The following NEFL variants were observed in gnomAD, a reference collection of about 807,000 sequenced individuals.
The protein encoded by NEFL is neurofilament light polypeptide.
Under a neutral mutation model 51.6 loss-of-function variants are expected in NEFL, and 36 were observed. The observed-to-expected ratio is 0.70, with a 90% CI of 0.53 to 0.92. The LOEUF is 0.92. NEFL is among the 40% of genes least tolerant of loss of function. NEFL has a pLI of 0.00. For missense variants in NEFL, 671 were observed against 722.0 expected (o/e 0.93, Z 0.81); for synonymous variants, 332 against 302.5 (o/e 1.10, Z -1.01).
chr8:24,954,539 T>C (rs1249332767), intron 1 of NEFL, among the ~76,000 whole-genome samples: 1 of 152,180 alleles, frequency 6.6e-6, no homozygotes, highest in Non-Finnish European at 1.5e-5. Flanking sequence ...TGTTCTTCTG[T>C]TTCTTTACTT....
At chr8:24,953,360 T>A in intron 3 of NEFL, 116 bp downstream of exon 3, 1 of 1,510,154 alleles carries the variant, frequency 6.6e-7, no homozygotes, top group South Asian at 1.3e-5. Flanking sequence ...AATTTATTTA[T>A]GATTCTAATG....
Position 24,955,941 on chromosome 8 carries a change from A to G in NEFL, c.575T>C (p.Leu192Pro). ...GTCGGCGCCTTTGCGCGCTTCCATCAGCCGGCCCTCGGCGTCCTCGCGGCT... is the reference window on the plus strand; with the variant it reads ...GTCGGCGCCTTTGCGCGCTTCCATCGGCCGGCCCTCGGCGTCCTCGCGGCT... ...VLSREDAEGR[L>P]MEARKGADEA... The change falls in exon 1 of 4, where the codon CTG becomes CCG. Residue 192 changes from leucine (L) to proline (P), a missense_variant. Transcript: ENST00000610854. This position sits in a 1 kb window ranked among gnomAD's most constrained non-coding sequence, Gnocchi z 4.0. The G allele has an allele frequency of 6.2e-7, 1 of 1,603,448 alleles. No individual in the cohort carries two copies. Among genetic ancestry groups the G allele is most frequent in the East Asian group, 2.2e-5 (1 of 44,828 alleles).
rs768190580 is a variant in NEFL, at chr8:24,955,533, G to T, written c.983C>A (p.Ala328Glu). ...EIEACRGMNE[A>E]LEKQLQELED... Reference sequence around the variant, plus strand: ...CAGCTCCTGCAGCTGCTTCTCCAGCGCTTCATTCATGCCCCGGCATGCTTC... The same window carrying T: ...CAGCTCCTGCAGCTGCTTCTCCAGCTCTTCATTCATGCCCCGGCATGCTTC... The change falls in exon 1 of 4, where the codon GCG becomes GAG. Residue 328 changes from alanine (A) to glutamate (E), a missense_variant. By Grantham distance (107) the Ala-to-Glu change is moderately radical (BLOSUM62 -1). Coordinates refer to ENST00000610854, the MANE Select transcript of NEFL (RefSeq NM_006158.5). This position sits in a 1 kb window ranked among gnomAD's most constrained non-coding sequence, Gnocchi z 4.0. The T allele has an allele frequency of 6.2e-7, 1 of 1,613,144 alleles. No individual in the cohort carries two copies. The highest frequency in any genetic ancestry group is 1.1e-5 in the South Asian group (1 of 91,066).
At position 24,955,804 on chromosome 8, in the gene NEFL, T is replaced by A. The variant is rs534615840; in HGVS notation, c.712A>T (p.Ile238Phe). 1.2e-6 allele frequency: 2 copies of A among 1,612,582 alleles called. No homozygotes were observed. Among genetic ancestry groups the A allele is most frequent in the Non-Finnish European group, 1.7e-6 (2 of 1,179,858 alleles). ...EEEIAELQAQ[I>F]QYAQISVEMD... Reference sequence around the variant, plus strand: ...TCCACGGAGATCTGCGCGTACTGGATCTGCGCCTGCAGTTCGGCGATCTCC... The same window carrying A: ...TCCACGGAGATCTGCGCGTACTGGAACTGCGCCTGCAGTTCGGCGATCTCC... Residue 238 changes from isoleucine (I) to phenylalanine (F), a missense_variant, in exon 1 of 4, where the codon ATC becomes TTC. Coordinates refer to ENST00000610854, the MANE Select transcript of NEFL (RefSeq NM_006158.5). This position sits in a 1 kb window ranked among gnomAD's most constrained non-coding sequence, Gnocchi z 4.0.
chr8:24,955,687 C>G lies in NEFL; in HGVS notation c.829G>C (p.Glu277Gln). 6.2e-7 allele frequency: 1 copy of G among 1,613,888 alleles called. No homozygotes were observed. The highest frequency in any genetic ancestry group is 8.5e-7 in the Non-Finnish European group (1 of 1,179,878). The change falls in exon 1 of 4, where the codon GAG becomes CAG. Residue 277 changes from glutamate to glutamine, a missense_variant. By Grantham distance (29) the Glu-to-Gln change is conservative. Transcript: ENST00000610854. This position sits in a 1 kb window ranked among gnomAD's most constrained non-coding sequence, Gnocchi z 4.0. ...KLAAKNMQNAEEWFKSRFTVL... is the reference protein window; with the variant it reads ...KLAAKNMQNAQEWFKSRFTVL... ...GTGAAGCGGCTCTTGAACCATTCCT[C>G]AGCGTTCTGCATGTTCTTGGCGGCC...
Position 24,955,606 on chromosome 8 carries a change from C to A in NEFL, c.910G>T (p.Glu304Ter). The change falls in exon 1 of 4, where the codon GAG becomes TAG. Residue 304 changes from glutamate (E) to a stop codon, truncating the protein, a stop_gained. Coordinates refer to ENST00000610854, the MANE Select transcript of NEFL (RefSeq NM_006158.5). LOFTEE classifies it high-confidence loss of function. The surrounding 1 kb of genome is among the most constrained non-coding windows in gnomAD (Gnocchi z 4.0). The stretch of plus-strand genomic sequence containing the variant: ...AGCAGACGACGGCTCTCGGACACCT[C>A]GTCCTTGGCGGCGCGCACGGCGTCG... ...NTDAVRAAKD[E>*]VSESRRLLKA... 2 of 1,613,874 alleles carry A rather than the reference C, an allele frequency of 1.2e-6. No homozygotes were observed. Among genetic ancestry groups the A allele is most frequent in the Non-Finnish European group, 1.7e-6 (2 of 1,179,880 alleles).
Position 24,955,417 on chromosome 8 carries a change from AACTCCCCCCCTTGCT to A in NEFL, c.1044+40_1044+54del. ...CTGGTCTCCACTTTCTGGGCGCACC[AACTCCCCCCCTTGCT>A]CGAGTCCCCCGCCCCCCTGTGTTTC... On this transcript the variant is annotated intron_variant, in intron 1 of 3. Transcript: ENST00000610854. The surrounding 1 kb of genome is among the most constrained non-coding windows in gnomAD (Gnocchi z 4.0). 1 of 1,199,960 alleles carries A rather than the reference AACTCCCCCCCTTGCT, an allele frequency of 8.3e-7. No homozygotes were observed. The highest frequency in any genetic ancestry group is 1.2e-6 in the Non-Finnish European group (1 of 858,892). 74.3% of individuals were successfully genotyped at this position (1,199,960 alleles called of 1,614,324 possible). A position where few individuals can be genotyped will look rare whatever the true frequency, so the allele number is the denominator to read the frequency against.
At position 24,954,167 on chromosome 8, in the gene NEFL, C is replaced by T. The variant is rs1281585043; in HGVS notation, c.1169+14G>A. The T allele has an allele frequency of 2.0e-5, 33 of 1,613,324 alleles. No homozygotes were observed. The highest frequency in any genetic ancestry group is 2.6e-5 in the Non-Finnish European group (31 of 1,179,756). ...AAGGTTTAATGGCTGCTGTCTTTGC[C>T]CCTCTATTTTCACCTGTAAGCTGCA... On this transcript the variant is annotated intron_variant, in intron 2 of 3. Transcript: ENST00000610854.
rs781084022 is a variant in NEFL at position 24,955,487 on chromosome 8, G to C, written c.1029C>G (p.Asp343Glu). 7.5e-6 allele frequency: 12 copies of C among 1,608,512 alleles called. No homozygotes were observed. Among genetic ancestry groups the C allele is most frequent in the Admixed American group, 6.7e-5 (4 of 59,850 alleles). ...LQELEDKQNA[D>E]ISAMQDTINK... ...CGTGCCGCACCTGCATAGCGCTGATGTCGGCGTTCTGCTTGTCCTCCAGCT... is the reference window on the plus strand; with the variant it reads ...CGTGCCGCACCTGCATAGCGCTGATCTCGGCGTTCTGCTTGTCCTCCAGCT... Residue 343 changes from aspartate (D) to glutamate (E), a missense_variant, in exon 1 of 4, where the codon GAC becomes GAG. Asp to Glu is a conservative substitution (Grantham distance 45). Transcript: ENST00000610854. The surrounding 1 kb of genome is among the most constrained non-coding windows in gnomAD (Gnocchi z 4.0).
intron 3 of NEFL, 126 bp from the exon 4 acceptor site, chr8:24,953,078 C>G: frequency 8.5e-7 from 1 of 1,171,008 alleles, no homozygotes; most frequent in Non-Finnish European, 1.2e-6. Flanking sequence ...GCTCCACTCT[C>G]TCCAAAAGCA....
At position 24,955,907 on chromosome 8, in the gene NEFL, C is replaced by G. The variant is rs1803043765; in HGVS notation, c.609G>C (p.Ala203=). ...MEARKGADEA[A]LARAELEKRI... ...GCTTCTCGAGCTCGGCGCGAGCGAG[C>G]GCCGCCTCGTCGGCGCCTTTGCGCG... The change falls in exon 1 of 4, where the codon GCG becomes GCC. Residue 203 remains alanine (A), a synonymous_variant. Coordinates refer to ENST00000610854, the MANE Select transcript of NEFL (RefSeq NM_006158.5). This position sits in a 1 kb window ranked among gnomAD's most constrained non-coding sequence, Gnocchi z 4.0. The G allele has an allele frequency of 1.9e-6, 3 of 1,605,100 alleles. No homozygotes were observed. Among genetic ancestry groups the G allele is most frequent in the Middle Eastern group, 1.6e-4 (1 of 6,082 alleles).
At position 24,953,553 on chromosome 8, in the gene NEFL, G is replaced by C. The variant is rs756696405; in HGVS notation, c.1412C>G (p.Pro471Arg). ...CTCCTCCTCGGCTTCTCCTTCAGAG[G>C]GGGGCTCATCCTTGGCTTCCTCAGC... is the stretch of plus-strand genomic sequence containing the variant. ...AKAEEAKDEP[P>R]SEGEAEEEEK... Residue 471 changes from proline (P) to arginine (R), a missense_variant, in exon 3 of 4, where the codon CCC becomes CGC. Physicochemically the swap from Pro to Arg is moderately radical, Grantham distance 103. Transcript: ENST00000610854. The C allele has an allele frequency of 1.2e-6, 2 of 1,613,750 alleles. No homozygotes were observed. Among genetic ancestry groups the C allele is most frequent in the Non-Finnish European group, 8.5e-7 (1 of 1,179,800 alleles).
chr8:24,955,229 A>G lies in NEFL; in HGVS notation c.1044+243T>C. 1 of 420,030 alleles carries G rather than the reference A, an allele frequency of 2.4e-6. No individual in the cohort carries two copies. The highest frequency in any genetic ancestry group is 3.9e-5 in the Admixed American group (1 of 25,816). 26.0% of individuals were successfully genotyped at this position (420,030 alleles called of 1,614,324 possible). A position where few individuals can be genotyped will look rare whatever the true frequency, so the allele number is the denominator to read the frequency against. On this transcript the variant is annotated intron_variant, in intron 1 of 3. Transcript: ENST00000610854. The surrounding 1 kb of genome is among the most constrained non-coding windows in gnomAD (Gnocchi z 4.0). ...ACGTCTTCCCCTCCCCCACCCAACA[A>G]GGGCTGGGCAGCTTTAATGCGGAAC...
chr8:24,956,161 C>G lies in NEFL; in HGVS notation c.355G>C (p.Glu119Gln), dbSNP rs1586128801. The change falls in exon 1 of 4, where the codon GAA (glutamate) becomes CAA (glutamine). Residue 119 changes from glutamate (E) to glutamine (Q), a missense_variant. Glu to Gln is a conservative substitution (Grantham distance 29). Transcript: ENST00000610854. The surrounding 1 kb of genome is among the most constrained non-coding windows in gnomAD (Gnocchi z 5.9). Reference sequence around the variant, plus strand: ...TGGCGCAGCACCAGCAGCTCGGCTTCCAGGACCTTGTTCTGCTGCTCCAGC... The same window carrying G: ...TGGCGCAGCACCAGCAGCTCGGCTTGCAGGACCTTGTTCTGCTGCTCCAGC... ...HELEQQNKVL[E>Q]AELLVLRQKH... 6 of 1,609,894 alleles carry G rather than the reference C, an allele frequency of 3.7e-6. No individual in the cohort carries two copies. The highest frequency in any genetic ancestry group is 5.1e-6 in the Non-Finnish European group (6 of 1,178,692).
In NEFL at chr8:24,951,612, C is replaced by G. The variant is rs4644268; in HGVS notation, c.*1198G>C. The G allele has an allele frequency of 0.082, 12,476 of 152,566 alleles. 682 individuals are homozygous for G. The highest frequency in any genetic ancestry group is 0.16 in the Middle Eastern group (46 of 294). 9.5% of individuals were successfully genotyped at this position (152,566 alleles called of 1,614,324 possible). ...TAACATACAAGCATATTACCTCCCC[C>G]CTTAAGTGACTCATAATTTCATTAC... On this transcript the variant is annotated 3_prime_UTR_variant, in exon 4 of 4. Coordinates refer to ENST00000610854, the MANE Select transcript of NEFL (RefSeq NM_006158.5).
Position 24,953,670 on chromosome 8 carries a change from T to C in NEFL, c.1295A>G (p.Tyr432Cys), listed in dbSNP as rs1250599052. 1 of 1,613,992 alleles carries C rather than the reference T, an allele frequency of 6.2e-7. No individual in the cohort carries two copies. The highest frequency in any genetic ancestry group is 8.5e-7 in the Non-Finnish European group (1 of 1,179,886). Residue 432 changes from tyrosine to cysteine, a missense_variant, in exon 3 of 4, where the codon TAT becomes TGT. Transcript: ENST00000610854. Reference protein sequence around the residue: ...SAYGGLQTSSYLMSTRSFPSY... With the variant: ...SAYGGLQTSSCLMSTRSFPSY... ...CGGGAAGGAGCGGGTGGACATCAGA[T>C]AGGAGCTGGTCTGTAAACCGCCGTA...
chr8:24,955,304 C>T lies in NEFL; in HGVS notation c.1044+168G>A. The T allele has an allele frequency of 1.5e-6, 1 of 670,986 alleles. No homozygotes were observed. The highest frequency in any genetic ancestry group is 2.5e-6 in the Non-Finnish European group (1 of 403,416). 41.6% of individuals were successfully genotyped at this position (670,986 alleles called of 1,614,324 possible). ...CTCCCAGACTACAGTGGCGCCCGCA[C>T]TCACGCCCTTCAAGTGCCCCACCCC... On this transcript the variant is annotated intron_variant, in intron 1 of 3. Transcript: ENST00000610854. The surrounding 1 kb of genome is among the most constrained non-coding windows in gnomAD (Gnocchi z 4.0).
chr8:24,955,215 T>G lies in NEFL; in HGVS notation c.1044+257A>C. ...AACGCCCAATTCCCACGTCTTCCCC[T>G]CCCCCACCCAACAAGGGCTGGGCAG... is the stretch of plus-strand genomic sequence containing the variant. On this transcript the variant is annotated intron_variant, in intron 1 of 3. Transcript: ENST00000610854. This position sits in a 1 kb window ranked among gnomAD's most constrained non-coding sequence, Gnocchi z 4.0. 2 of 414,120 alleles carry G rather than the reference T, an allele frequency of 4.8e-6. No homozygotes were observed. The highest frequency in any genetic ancestry group is 4.2e-6 in the Non-Finnish European group (1 of 237,710). The allele number at this position is 414,120 out of a possible 1,614,324, so 25.7% of individuals were successfully genotyped here. A position where few individuals can be genotyped will look rare whatever the true frequency, so the allele number is the denominator to read the frequency against.
Position 24,955,354 on chromosome 8 carries a change from A to C in NEFL, c.1044+118T>G. 1 of 1,063,402 alleles carries C rather than the reference A, an allele frequency of 9.4e-7. No individual in the cohort carries two copies. The highest frequency in any genetic ancestry group is 1.3e-6 in the Non-Finnish European group (1 of 756,242). 65.9% of individuals were successfully genotyped at this position (1,063,402 alleles called of 1,614,324 possible). ...CTCCCACACAGTGGCCAAGGAGCCA[A>C]GCCCTATCCCTAAGAGCTGCGTGCA... On this transcript the variant is annotated intron_variant, in intron 1 of 3. Transcript: ENST00000610854. This position sits in a 1 kb window ranked among gnomAD's most constrained non-coding sequence, Gnocchi z 4.0.
Sources: allele counts gnomAD v4.1 joint callset (sites outside exome capture counted in the v4.1 genomes callset), GRCh38; gene constraint gnomAD v4.1.1; non-coding constraint Gnocchi (gnomAD v3.1); transcripts MANE v1.5; gene names NCBI Gene and HGNC (gene_info 2026-07-23, HGNC 2026-07-21).